The following IGSF11 variants were observed in gnomAD, a reference collection of about 807,000 sequenced individuals.
IGSF11 encodes CXADR like 1.
Under a neutral mutation model 41.0 loss-of-function variants are expected in IGSF11, and 22 were observed. That is an observed-to-expected ratio of 0.54 (90% CI 0.38 to 0.77). The LOEUF (loss-of-function observed/expected upper bound fraction) is 0.77, where lower values mean the gene tolerates loss of function less well. Ranked by LOEUF, IGSF11 falls within the 30% of genes least tolerant of loss-of-function variation. The pLI is 0.00. For missense variants in IGSF11, 444 were observed against 530.8 expected, an observed-to-expected ratio of 0.84 and a Z score of 1.61; for synonymous variants, 219 against 201.3, an observed-to-expected ratio of 1.09 and a Z score of -0.74.
intron 1 of IGSF11, among the ~76,000 whole-genome samples, chr3:118,987,079 G>A (rs144727521): frequency 3.3e-5 from 5 of 152,284 alleles, no homozygotes; most frequent in East Asian, 1.9e-4. Flanking sequence ...CCAGGAAAAC[G>A]TGTGGAAGCT....
chr3:119,048,862 T>C (rs1454033866), intron 1 of IGSF11, among the ~76,000 whole-genome samples: 3 of 152,180 alleles, frequency 2.0e-5, no homozygotes, highest in Non-Finnish European at 2.9e-5. Context: ...TCAGTAAATG[T>C]AATCCAGCAT....
intron 1 of IGSF11, among the ~76,000 whole-genome samples, chr3:119,141,028 A>G (rs1277779572): frequency 7.4e-5 from 10 of 135,964 alleles, no homozygotes; most frequent in Non-Finnish European, 1.4e-4. Flanking sequence ...GGGCCACAGG[A>G]GACTCTGTCT....
intron 1 of IGSF11, among the ~76,000 whole-genome samples, chr3:118,964,773 TCTATC>T (rs1945560302): frequency 6.6e-6 from 1 of 152,170 alleles, no homozygotes; most frequent in Admixed American, 6.5e-5. Flanking sequence ...GTCTACCAAA[TCTATC>T]ATATAGTCTA....
chr3:119,072,844 G>A (rs1412157694), intron 1 of IGSF11, among the ~76,000 whole-genome samples: 1 of 152,128 alleles, frequency 6.6e-6, no homozygotes, highest in Non-Finnish European at 1.5e-5. Flanking sequence ...TGCTGGCAGG[G>A]GCAGCCTGCT....
At chr3:119,092,176 G>A (rs1471940478) in intron 1 of IGSF11, among the ~76,000 whole-genome samples, 2 of 152,044 alleles carry the variant, frequency 1.3e-5, no homozygotes, top group East Asian at 1.9e-4. Flanking sequence ...CACGCCCTGT[G>A]TTCGCGCTTG....
At chr3:119,106,967 T>C (rs184939803), upstream of IGSF11, among the ~76,000 whole-genome samples, 28 of 152,354 alleles carry the variant, frequency 1.8e-4, no homozygotes, top group South Asian at 6.2e-4. Flanking sequence ...TGGTTCACAT[T>C]TTCTTAAACC....
chr3:118,902,250 G>T lies in IGSF11; in HGVS notation c.*270C>A. 2 of 402,468 alleles carry T rather than the reference G, an allele frequency of 5.0e-6. No homozygotes were observed. The highest frequency in any genetic ancestry group is 9.0e-6 in the Non-Finnish European group (2 of 222,706). 24.9% of individuals were successfully genotyped at this position (402,468 alleles called of 1,614,324 possible). A position where few individuals can be genotyped will look rare whatever the true frequency, so the allele number is the denominator to read the frequency against. ...CAGTTTGGATTTTAAGTACTATTCT[G>T]CTCTTGTATCTTTTTCCTTGGCTTG... On this transcript the variant is annotated 3_prime_UTR_variant, in exon 7 of 7. Coordinates refer to ENST00000393775, the MANE Select transcript of IGSF11 (RefSeq NM_001015887.3).
intron 1 of IGSF11, chr3:118,948,136 G>A (rs1232762752): frequency 6.6e-6 from 1 of 152,200 alleles, no homozygotes; most frequent in Non-Finnish European, 1.5e-5. Flanking sequence ...ATGGCAAAAT[G>A]TAAAATGTAA....
intron 1 of IGSF11, among the ~76,000 whole-genome samples, chr3:119,055,760 G>C (rs1198114494): frequency 6.6e-6 from 1 of 152,032 alleles, no homozygotes; most frequent in Non-Finnish European, 1.5e-5. Context: ...ACAGAAATTA[G>C]AACAAACTGT....
intron 1 of IGSF11, among the ~76,000 whole-genome samples, chr3:119,065,513 C>CG (rs996389166): frequency 3.3e-5 from 5 of 152,066 alleles, no homozygotes; most frequent in African/African-American, 1.2e-4. Context: ...AGGAAGCAGG[C>CG]GGGGGGCAGT....
upstream of IGSF11, among the ~76,000 whole-genome samples, chr3:119,037,034 A>G (rs1040174925): frequency 1.3e-5 from 2 of 152,242 alleles, no homozygotes; most frequent in South Asian, 4.1e-4. Flanking sequence ...AGTGCTGTAC[A>G]CAGAGGCTTC....
rs566798441 is a variant in IGSF11 at position 119,062,557 on chromosome 3, G to T, written c.49+42587C>A. On this transcript the variant is annotated intron_variant, in intron 1 of 6. Coordinates refer to the IGSF11 transcript ENST00000354673. ...AAATACATAGTCATATTATTGCGAG[G>T]TTCTAAAATGATTGGGGTAATAAAT... Among the ~76,000 whole-genome samples, 8 of 152,252 alleles carry T rather than the reference G, an allele frequency of 5.3e-5. No individual in the cohort carries two copies. In the South Asian group the frequency reaches 1.5e-3, roughly 28 times the overall value.
chr3:119,141,383 C>A (rs2077646071), intron 1 of IGSF11, among the ~76,000 whole-genome samples: 1 of 150,062 alleles, frequency 6.7e-6, no homozygotes, highest in Non-Finnish European at 1.5e-5. Flanking sequence ...CAAACTATAC[C>A]CACACCAAGC....
At chr3:118,975,899 A>C (rs1934042247) in intron 1 of IGSF11, among the ~76,000 whole-genome samples, 1 of 152,114 alleles carries the variant, frequency 6.6e-6, no homozygotes. Context: ...GGGCTGAAAA[A>C]CTACCTATTG....
Position 119,034,665 on chromosome 3 carries a change from T to C in IGSF11, c.-83A>G, listed in dbSNP as rs377451771. Reference sequence around the variant, plus strand: ...GGAGCGGGCGTGAGTCTCCGCGCTCTTGGGGCAGCCTGGTCCTCCCACACC... The same window carrying C: ...GGAGCGGGCGTGAGTCTCCGCGCTCCTGGGGCAGCCTGGTCCTCCCACACC... On this transcript the variant is annotated 5_prime_UTR_variant, in exon 1 of 7. Transcript: ENST00000393775. 3.8e-5 allele frequency: 55 copies of C among 1,462,508 alleles called. 1 individual carries two copies. The South Asian group carries it at 4.9e-4, about 13-fold the overall frequency. The allele number at this position is 1,462,508 out of a possible 1,614,324, so 90.6% of individuals were successfully genotyped here.
At chr3:118,928,466 C>G (rs756299685) in intron 3 of IGSF11, 43 bp downstream of exon 3, 1 of 1,496,350 alleles carries the variant, frequency 6.7e-7, no homozygotes, top group Non-Finnish European at 9.3e-7. Context: ...AGAGTAGCTT[C>G]GTGAGTAAAG....
intron 4 of IGSF11, among the ~76,000 whole-genome samples, chr3:118,912,424 G>A (rs1272883695): frequency 6.6e-6 from 1 of 152,226 alleles, no homozygotes; most frequent in East Asian, 1.9e-4. Flanking sequence ...TCCAGCCCTG[G>A]ATTTTCAATT....
intron 1 of IGSF11, among the ~76,000 whole-genome samples, chr3:119,010,474 A>G (rs765535886): frequency 3.3e-5 from 5 of 152,204 alleles, no homozygotes; most frequent in Non-Finnish European, 7.4e-5. Flanking sequence ...TAGCATTTTA[A>G]TTGGTAAGCT....
Position 119,101,458 on chromosome 3 carries a change from G to A in IGSF11, c.49+3686C>T, listed in dbSNP as rs150786677. Among the ~76,000 whole-genome samples the A allele has an allele frequency of 4.9e-4, 75 of 152,202 alleles. 1 individual carries two copies. The East Asian group carries it at 0.012, about 24-fold the overall frequency. On this transcript the variant is annotated intron_variant, in intron 1 of 6. Transcript: ENST00000354673. ...TGGGAGGTAGAAGTTGCAATGAGCCGAGATCATCCCATCCCGCACTCCAGC... is the reference window on the plus strand; with the variant it reads ...TGGGAGGTAGAAGTTGCAATGAGCCAAGATCATCCCATCCCGCACTCCAGC...
Sources: allele counts gnomAD v4.1 joint callset (sites outside exome capture counted in the v4.1 genomes callset), GRCh38; gene constraint gnomAD v4.1.1; transcripts MANE v1.5; gene names NCBI Gene and HGNC (gene_info 2026-07-23, HGNC 2026-07-21).